RBM22: variants seen among roughly 807,000 people sequenced by gnomAD.
RBM22 encodes the protein RNA binding motif protein 22.
RBM22 carries 1 observed loss-of-function variant against 50.1 expected under a neutral mutation model. The observed-to-expected ratio is 0.02, with a 90% CI of 0.01 to 0.09. The LOEUF (loss-of-function observed/expected upper bound fraction) is 0.09. Ranked by LOEUF, RBM22 falls within the 10% of genes least tolerant of loss-of-function variation. RBM22 has a pLI of 1.00. For synonymous variants in RBM22, 152 were observed against 179.0 expected (o/e 0.85, Z 1.20); for missense variants, 264 against 529.3 (o/e 0.50, Z 4.92).
chr5:150,692,431 A>G (rs1164135031), intron 10 of RBM22, among the ~76,000 whole-genome samples: 1 of 152,090 alleles, frequency 6.6e-6, no homozygotes, highest in Non-Finnish European at 1.5e-5. Context: ...TTATACGACC[A>G]GGCACAGTTT....
In RBM22 at chr5:150,698,645, C is replaced by G. The variant is rs756484655; in HGVS notation, c.139-14G>C. 2 of 1,613,364 alleles carry G rather than the reference C, an allele frequency of 1.2e-6. No homozygotes were observed. The highest frequency in any genetic ancestry group is 3.3e-5 in the Admixed American group (2 of 59,982). On this transcript the variant is annotated splice_polypyrimidine_tract_variant and intron_variant, in intron 3 of 10. Transcript: ENST00000199814. ...CCTGGCACAGATCTGGAACACAAAG[C>G]AAGAGCCATAGAATGTCAATGGTCC...
chr5:150,699,352 C>T, intron 2 of RBM22, 81 bp from the exon 3 acceptor site: 1 of 1,465,294 alleles, frequency 6.8e-7, no homozygotes, highest in Non-Finnish European at 9.1e-7. Context: ...TAAACATAAC[C>T]CAAGAAATGT....
At chr5:150,695,389 T>TA in intron 7 of RBM22, 117 bp downstream of exon 7, 1 of 904,246 alleles carries the variant, frequency 1.1e-6, no homozygotes, top group Non-Finnish European at 1.7e-6. Context: ...ATACTAACAA[T>TA]AGAGAGACTA....
rs1373255798 is a variant in RBM22, at chr5:150,694,216, C to T, written c.771G>A (p.Glu257=). The T allele has an allele frequency of 2.5e-5, 41 of 1,608,284 alleles. No individual in the cohort carries two copies. Among genetic ancestry groups the T allele is most frequent in the Non-Finnish European group, 3.5e-5 (41 of 1,178,520 alleles). The change falls in exon 8 of 11, where the codon GAG becomes GAA. Residue 257 remains glutamate, a synonymous_variant. Coordinates refer to ENST00000199814, the MANE Select transcript of RBM22 (RefSeq NM_018047.3). ...TCTGCACAACAGTGATCGTCCGGAT[C>T]TCTCCGAACTGGTAGAAATGATTTC... ...DLRNHFYQFG[E]IRTITVVQRQ... is the part of the protein sequence containing the mutation.
In RBM22 at chr5:150,691,879, A is replaced by G. The variant is rs1468014247; in HGVS notation, c.1135T>C (p.Phe379Leu). Residue 379 changes from phenylalanine (F) to leucine (L), a missense_variant and splice_region_variant, in exon 11 of 11, where the codon TTT becomes CTT. By Grantham distance (22) the Phe-to-Leu change is conservative. Around this residue, in one of 7 missense-constraint regions of RBM22, gnomAD observed 106 missense variants for 137.1 expected, o/e 0.77. Coordinates refer to ENST00000199814, the MANE Select transcript of RBM22 (RefSeq NM_018047.3). ...PGIAPPPPPG[F>L]GPHMFHPMGP... ...ATTGGGTGGAACATGTGTGGCCCAA[A>G]ACCTGCAGATACGAGAGAACAAATG... The G allele has an allele frequency of 3.8e-6, 6 of 1,579,790 alleles. No individual in the cohort carries two copies. Among genetic ancestry groups the G allele is most frequent in the Non-Finnish European group, 5.2e-6 (6 of 1,164,122 alleles).
intron 4 of RBM22, among the ~76,000 whole-genome samples, chr5:150,697,956 A>G (rs1759298466): frequency 6.6e-6 from 1 of 151,940 alleles, no homozygotes; most frequent in African/African-American, 2.4e-5. Flanking sequence ...GAAGCTCAAA[A>G]CCAGCCTGGG....
Position 150,696,485 on chromosome 5 carries a change from A to G in RBM22, c.545+48T>C. Reference sequence around the variant, plus strand: ...TAAGTTAGGACCTCCCACTTCTTAGATGAGAAATCATCTGAAAGCAAATAC... The same window carrying G: ...TAAGTTAGGACCTCCCACTTCTTAGGTGAGAAATCATCTGAAAGCAAATAC... On this transcript the variant is annotated intron_variant, in intron 6 of 10. Transcript: ENST00000199814. This position sits in a 1 kb window ranked among gnomAD's most constrained non-coding sequence, Gnocchi z 4.3. The G allele has an allele frequency of 6.4e-7, 1 of 1,558,960 alleles. No individual in the cohort carries two copies. Among genetic ancestry groups the G allele is most frequent in the Non-Finnish European group, 8.8e-7 (1 of 1,140,394 alleles).
intron 1 of RBM22, 178 bp from the exon 2 acceptor site, chr5:150,700,675 G>A (rs1182017198): frequency 1.3e-6 from 2 of 1,526,270 alleles, no homozygotes; most frequent in East Asian, 4.9e-5. Context: ...GGCAGGCGGC[G>A]GGAGAAAAGA....
chr5:150,694,460 AC>A, intron 7 of RBM22: 1 of 667,622 alleles, frequency 1.5e-6, no homozygotes, highest in Non-Finnish European at 2.2e-6. Context: ...AGGTTCTCAA[AC>A]ATCTCAGGGT....
intron 7 of RBM22, 46 bp downstream of exon 7, chr5:150,695,460 A>C: frequency 2.1e-6 from 3 of 1,445,986 alleles, no homozygotes; most frequent in Non-Finnish European, 2.9e-6. Context: ...AAATTATTCC[A>C]GGGCAGTTAA....
At chr5:150,691,970 T>G (rs1759215177) in intron 10 of RBM22, 89 bp from the exon 11 acceptor site, 1 of 1,304,246 alleles carries the variant, frequency 7.7e-7, no homozygotes, top group Admixed American at 3.0e-5. Context: ...TAAAACCACC[T>G]ACACATAAAT....
intron 10 of RBM22, among the ~76,000 whole-genome samples, chr5:150,692,494 T>C (rs1306867461): frequency 1.3e-5 from 2 of 151,908 alleles, no homozygotes; most frequent in African/African-American, 4.8e-5. Context: ...AAGGAAGGGG[T>C]TCACTGATTA....
rs1312210368 is a variant in RBM22, at chr5:150,696,759, T to C, written c.372+32A>G. The C allele has an allele frequency of 4.3e-6, 7 of 1,613,702 alleles. No individual in the cohort carries two copies. The highest frequency in any genetic ancestry group is 5.9e-6 in the Non-Finnish European group (7 of 1,179,556). ...AAATTATACAGACTGTGTCAATTCATTAGGATTTTTATCCAAAAAGTGGCA... is the reference window on the plus strand; with the variant it reads ...AAATTATACAGACTGTGTCAATTCACTAGGATTTTTATCCAAAAAGTGGCA... On this transcript the variant is annotated intron_variant, in intron 5 of 10. Transcript: ENST00000199814. This position sits in a 1 kb window ranked among gnomAD's most constrained non-coding sequence, Gnocchi z 4.3.
rs1045708867 is a variant in RBM22 at position 150,690,804 on chromosome 5, C to T, written c.*947G>A. ...CCATGACAACATGTGAAAAATTGACCCGTTTTAATTATTTAAAAACAAAAA... is the reference window on the plus strand; with the variant it reads ...CCATGACAACATGTGAAAAATTGACTCGTTTTAATTATTTAAAAACAAAAA... On this transcript the variant is annotated 3_prime_UTR_variant, in exon 11 of 11. Coordinates refer to ENST00000199814, the MANE Select transcript of RBM22 (RefSeq NM_018047.3). The T allele has an allele frequency of 3.9e-5, 6 of 152,178 alleles. No individual in the cohort carries two copies. The highest frequency in any genetic ancestry group is 9.7e-5 in the African/African-American group (4 of 41,388). The allele number at this position is 152,178 out of a possible 1,614,324, so 9.4% of individuals were successfully genotyped here. A position where few individuals can be genotyped will look rare whatever the true frequency, so the allele number is the denominator to read the frequency against.
chr5:150,693,934 C>G, intron 8 of RBM22, 142 bp downstream of exon 8: 1 of 1,109,864 alleles, frequency 9.0e-7, no homozygotes, highest in South Asian at 1.6e-5. Context: ...TCAAGTATCA[C>G]ATAGAGAGTG....
intron 7 of RBM22, among the ~76,000 whole-genome samples, chr5:150,695,125 C>A (rs1759258854): frequency 2.0e-5 from 3 of 152,204 alleles, no homozygotes; most frequent in Non-Finnish European, 4.4e-5. Flanking sequence ...CTCCCAAGCT[C>A]AAGCAATCCT....
chr5:150,695,137 CT>C (rs1006194878), intron 7 of RBM22, among the ~76,000 whole-genome samples: 3 of 152,210 alleles, frequency 2.0e-5, no homozygotes, highest in Admixed American at 6.5e-5. Flanking sequence ...AGCAATCCTC[CT>C]GCCTCAGCCT....
chr5:150,691,754 G>A lies in RBM22; in HGVS notation c.1260C>T (p.Pro420=), dbSNP rs1348821351. Reference sequence around the variant, plus strand: ...GCCCCAGAGTGGTGACAAGGTGCTAGGGGCTGCTGTGTTTTCCAGCATGAG... The same window carrying A: ...GCCCCAGAGTGGTGACAAGGTGCTAAGGGCTGCTGTGTTTTCCAGCATGAG... The part of the protein sequence containing the change: ...MGAHAGKHSS[P] Residue 420 remains proline (P), a synonymous_variant, in exon 11 of 11, where the codon CCC becomes CCT. Transcript: ENST00000199814. 11 of 1,585,918 alleles carry A rather than the reference G, an allele frequency of 6.9e-6. No homozygotes were observed. Among genetic ancestry groups the A allele is most frequent in the Non-Finnish European group, 9.4e-6 (11 of 1,165,874 alleles).
In RBM22 at chr5:150,694,197, C is replaced by T. The variant is rs1249553242; in HGVS notation, c.790G>A (p.Val264Met). The change falls in exon 8 of 11, where the codon GTG (valine) becomes ATG (methionine). Residue 264 changes from valine to methionine, a missense_variant. Val to Met is a conservative substitution (Grantham distance 21). Coordinates refer to ENST00000199814, the MANE Select transcript of RBM22 (RefSeq NM_018047.3). ...ATGAAAGCACACTGCTGTCTCTGCA[C>T]AACAGTGATCGTCCGGATCTCTCCG... is the stretch of plus-strand genomic sequence containing the variant. ...QFGEIRTITV[V>M]QRQQCAFIQF... 1 of 1,614,164 alleles carries T rather than the reference C, an allele frequency of 6.2e-7. No individual in the cohort carries two copies. Among genetic ancestry groups the T allele is most frequent in the Non-Finnish European group, 8.5e-7 (1 of 1,180,020 alleles).
Sources: allele counts gnomAD v4.1 joint callset (sites outside exome capture counted in the v4.1 genomes callset), GRCh38; gene constraint gnomAD v4.1.1; regional missense constraint gnomAD v4.1.1; non-coding constraint Gnocchi (gnomAD v3.1); transcripts MANE v1.5; gene names NCBI Gene and HGNC (gene_info 2026-07-23, HGNC 2026-07-21).